Variants in BMPR2 observed in about 807,000 individuals in gnomAD.
The protein encoded by BMPR2 is bone morphogenetic protein receptor type 2, also known as bone morphogenetic protein receptor type-2.
BMPR2 carries 29 observed loss-of-function variants against 100.8 expected under a neutral mutation model. The observed-to-expected ratio is 0.29, with a 90% CI of 0.21 to 0.39. The LOEUF (loss-of-function observed/expected upper bound fraction) is 0.39, where lower values mean the gene tolerates loss of function less well. Among genes scored for constraint, BMPR2 ranks in the 10% least tolerant of loss-of-function variants. The pLI is 1.00. For synonymous variants in BMPR2, 382 were observed against 442.3 expected (o/e 0.86, Z 1.71); for missense variants, 1,011 against 1,274.5 (o/e 0.79, Z 3.15).
intron 1 of BMPR2, among the ~76,000 whole-genome samples, chr2:202,426,662 A>G (rs1574442557): frequency 6.6e-6 from 1 of 151,348 alleles, no homozygotes; most frequent in African/African-American, 2.4e-5. Flanking sequence ...TAGGAGGATC[A>G]CTCGAGGTCA....
chr2:202,422,519 G>A (rs1236589743), intron 1 of BMPR2, among the ~76,000 whole-genome samples: 1 of 151,616 alleles, frequency 6.6e-6, no homozygotes, highest in East Asian at 2.0e-4. Flanking sequence ...TGTTAGCCAG[G>A]ATGGTCTCGA....
chr2:202,546,566 C>T (rs997901039), intron 10 of BMPR2, among the ~76,000 whole-genome samples: 5 of 152,084 alleles, frequency 3.3e-5, no homozygotes, highest in Admixed American at 6.6e-5. Flanking sequence ...TAAAAATGAA[C>T]TACTTTAACA....
chr2:202,552,598 C>T, intron 10 of BMPR2, 118 bp from the exon 11 acceptor site: 1 of 994,734 alleles, frequency 1.0e-6, no homozygotes, highest in South Asian at 1.4e-5. Context: ...GTTATTAGAG[C>T]TATGTAAAAT....
At chr2:202,400,898 A>G (rs1186093281) in intron 1 of BMPR2, among the ~76,000 whole-genome samples, 1 of 152,152 alleles carries the variant, frequency 6.6e-6, no homozygotes, top group African/African-American at 2.4e-5. Context: ...TACTTCTATA[A>G]TCTATTCTAA....
In BMPR2 at chr2:202,437,251, G is replaced by A. The variant is rs141009139; in HGVS notation, c.77-27558G>A. On this transcript the variant is annotated intron_variant, in intron 1 of 12. Transcript: ENST00000374580. ...AAACTCCTGACCTCATGATCCACCC[G>A]CCTCTGCCTTCCAAAGTGCTGGGAT... Among the ~76,000 whole-genome samples, 1,280 of 150,368 alleles carry A rather than the reference G, an allele frequency of 8.5e-3. 128 individuals carry two copies. The highest frequency in any genetic ancestry group is 0.03 in the African/African-American group (1,214 of 39,834).
chr2:202,444,766 A>G (rs1449450066), intron 1 of BMPR2, among the ~76,000 whole-genome samples: 1 of 150,810 alleles, frequency 6.6e-6, no homozygotes, highest in Non-Finnish European at 1.5e-5. Context: ...AAAGCCAAAT[A>G]ATCTTCTCAG....
At chr2:202,525,857 C>CTTTTTTTTTTT (rs386392340) in intron 7 of BMPR2, among the ~76,000 whole-genome samples, 4 of 69,362 alleles carry the variant, frequency 5.8e-5, no homozygotes, top group Non-Finnish European at 7.4e-5. Context: ...TTCAGAGCAT[C>CTTTTTTTTTTT]TTTTTTTTTT....
Position 202,393,874 on chromosome 2 carries a change from T to TGAGA in BMPR2, c.76+16328_76+16331dup, listed in dbSNP as rs1452564596. On this transcript the variant is annotated intron_variant, in intron 1 of 12. Coordinates refer to ENST00000374580, the MANE Select transcript of BMPR2 (RefSeq NM_001204.7). ...AGAAGATGGCATCTAATTAAGGTAA[T>TGAGA]GAGAGAGCGAGAGAGAGAGAGAGAG... Among the ~76,000 whole-genome samples, 24 of 76,724 alleles carry TGAGA rather than the reference T, an allele frequency of 3.1e-4. 1 individual carries two copies. The highest frequency in any genetic ancestry group is 9.0e-4 in the African/African-American group (18 of 19,974). 50.3% of individuals were successfully genotyped at this position (76,724 alleles called of 152,430 possible).
At chr2:202,504,698 T>TTTTTG (rs1486691897) in intron 3 of BMPR2, among the ~76,000 whole-genome samples, 3 of 147,282 alleles carry the variant, frequency 2.0e-5, no homozygotes, top group African/African-American at 7.9e-5. Context: ...TTTTTTTTTT[T>TTTTTG]TGAGAGAGTC....
At chr2:202,469,449 GAAAT>G in intron 3 of BMPR2, 3 of 285,082 alleles carry the variant, frequency 1.1e-5, no homozygotes, top group Non-Finnish European at 2.1e-5. Flanking sequence ...TACGCAAACT[GAAAT>G]AAATGAACCC....
intron 2 of BMPR2, chr2:202,467,153 C>T (rs1559047390): frequency 3.3e-6 from 1 of 302,544 alleles, no homozygotes; most frequent in Non-Finnish European, 6.3e-6. Flanking sequence ...ATCCCAGCTA[C>T]TCGGGAGGCT....
intron 3 of BMPR2, chr2:202,469,476 AT>A (rs1559048128): frequency 6.5e-6 from 2 of 306,154 alleles, no homozygotes; most frequent in South Asian, 3.0e-5. Context: ...TTTTATTTTT[AT>A]TTTATTTATT....
intron 1 of BMPR2, among the ~76,000 whole-genome samples, chr2:202,398,122 A>AT (rs1240794132): frequency 1.3e-5 from 2 of 152,042 alleles, no homozygotes; most frequent in Non-Finnish European, 2.9e-5. Flanking sequence ...AAAAAAAAAA[A>AT]AAATCTATAC....
chr2:202,459,048 CTT>C (rs1420616572), intron 1 of BMPR2, among the ~76,000 whole-genome samples: 1 of 152,116 alleles, frequency 6.6e-6, no homozygotes, highest in Non-Finnish European at 1.5e-5. Flanking sequence ...GCTGAAAATC[CTT>C]TTTATTTTTC....
At chr2:202,392,892 T>C (rs1574424418) in intron 1 of BMPR2, among the ~76,000 whole-genome samples, 2 of 150,480 alleles carry the variant, frequency 1.3e-5, no homozygotes, top group Admixed American at 6.7e-5. Context: ...CTTGGAAGGC[T>C]GAGGCAGGAG....
At chr2:202,390,687 A>G (rs1405919085) in intron 1 of BMPR2, among the ~76,000 whole-genome samples, 1 of 151,986 alleles carries the variant, frequency 6.6e-6, no homozygotes, top group Non-Finnish European at 1.5e-5. Context: ...CATTCTTTTC[A>G]ATTTTTGCCA....
intron 1 of BMPR2, among the ~76,000 whole-genome samples, chr2:202,397,304 T>C (rs1322664607): frequency 1.3e-5 from 2 of 152,094 alleles, no homozygotes; most frequent in Non-Finnish European, 2.9e-5. Flanking sequence ...CTAACCCCAA[T>C]TTCAGAAATG....
chr2:202,408,062 T>A (rs1439768154), intron 1 of BMPR2, among the ~76,000 whole-genome samples: 1 of 152,008 alleles, frequency 6.6e-6, no homozygotes, highest in Non-Finnish European at 1.5e-5. Context: ...CTCGATCTCT[T>A]GACCTCGTGA....
In BMPR2 at chr2:202,448,470, T is replaced by A. The variant is rs76307700; in HGVS notation, c.77-16339T>A. On this transcript the variant is annotated intron_variant, in intron 1 of 12. Transcript: ENST00000374580. Reference sequence around the variant, plus strand: ...TCAAAAAAAAAATAAAAATAAAAAATAAAAAAAAAAAAGTGTTGCTCTGTC... The same window carrying A: ...TCAAAAAAAAAATAAAAATAAAAAAAAAAAAAAAAAAAGTGTTGCTCTGTC... Among the ~76,000 whole-genome samples the A allele has an allele frequency of 1.2e-3, 170 of 137,096 alleles. 1 individual carries two copies. Among genetic ancestry groups the A allele is most frequent in the Admixed American group, 2.6e-3 (35 of 13,712 alleles). 89.9% of individuals were successfully genotyped at this position (137,096 alleles called of 152,430 possible).
Sources: allele counts gnomAD v4.1 joint callset (sites outside exome capture counted in the v4.1 genomes callset), GRCh38; gene constraint gnomAD v4.1.1; transcripts MANE v1.5; gene names NCBI Gene and HGNC (gene_info 2026-07-23, HGNC 2026-07-21).